TTBK2: variants seen among roughly 807,000 people sequenced by gnomAD.
The protein encoded by TTBK2 is tau-tubulin kinase 2.
Under a neutral mutation model 110.8 loss-of-function variants are expected in TTBK2, and 28 were observed. The observed-to-expected ratio is 0.25, with a 90% CI of 0.19 to 0.35. The LOEUF (loss-of-function observed/expected upper bound fraction) is 0.35. Ranked by LOEUF, TTBK2 falls within the 10% of genes least tolerant of loss-of-function variation. TTBK2 has a pLI of 1.00. For synonymous variants in TTBK2, 532 were observed against 527.3 expected, an observed-to-expected ratio of 1.01 and a Z score of -0.12; for missense variants, 1,369 against 1,500.3, an observed-to-expected ratio of 0.91 and a Z score of 1.45.
intron 3 of TTBK2, among the ~76,000 whole-genome samples, chr15:42,866,871 A>AACAT (rs1894390931): frequency 1.3e-5 from 2 of 152,170 alleles, no homozygotes; most frequent in Admixed American, 6.5e-5. Flanking sequence ...ACTAAATAAA[A>AACAT]ACATAACATC....
At chr15:42,828,679 C>A in intron 5 of TTBK2, among the ~76,000 whole-genome samples, 1 of 149,510 alleles carries the variant, frequency 6.7e-6, no homozygotes, top group Non-Finnish European at 1.5e-5. Flanking sequence ...GTTGAGATTG[C>A]GCCACGGCAC....
intron 4 of TTBK2, among the ~76,000 whole-genome samples, chr15:42,838,208 A>AAAAAT (rs147460434): frequency 0.24 from 35,595 of 151,144 alleles, 5,027 homozygotes; most frequent in African/African-American, 0.39. Context: ...CTCTGTCTCA[A>AAAAAT]AAAATAAAAT....
intron 1 of TTBK2, among the ~76,000 whole-genome samples, chr15:42,890,174 T>G (rs1024152789): frequency 6.6e-6 from 1 of 152,168 alleles, no homozygotes; most frequent in African/African-American, 2.4e-5. Flanking sequence ...ATCCACCCCC[T>G]GCCTGCAAAA....
intron 13 of TTBK2, 85 bp downstream of exon 13, chr15:42,775,050 G>T: frequency 5.6e-6 from 8 of 1,438,720 alleles, no homozygotes; most frequent in Non-Finnish European, 7.7e-6. Context: ...CTGTACTGAA[G>T]TATCTTAGTT....
At chr15:42,813,839 G>A (rs1443835909) in intron 7 of TTBK2, among the ~76,000 whole-genome samples, 2 of 150,878 alleles carry the variant, frequency 1.3e-5, no homozygotes, top group African/African-American at 2.4e-5. Context: ...GAGGGCGAGA[G>A]AGCAGGACTC....
At chr15:42,885,610 G>A (rs879340732) in intron 1 of TTBK2, among the ~76,000 whole-genome samples, 1 of 152,142 alleles carries the variant, frequency 6.6e-6, no homozygotes, top group Non-Finnish European at 1.5e-5. Flanking sequence ...CACCTGCCTT[G>A]GTCCTTCACC....
chr15:42,883,294 T>C (rs1315350426), intron 1 of TTBK2, among the ~76,000 whole-genome samples: 1 of 151,096 alleles, frequency 6.6e-6, no homozygotes, highest in Non-Finnish European at 1.5e-5. Context: ...GGCAGGAGAA[T>C]TGAACCCAGA....
intron 13 of TTBK2, among the ~76,000 whole-genome samples, chr15:42,755,323 G>A (rs1339768533): frequency 6.6e-6 from 1 of 152,106 alleles, no homozygotes; most frequent in Non-Finnish European, 1.5e-5. Flanking sequence ...AATGAATTTG[G>A]ATTAGTCATA....
chr15:42,878,794 T>A (rs998277428), intron 1 of TTBK2, 110 bp from the exon 2 acceptor site: 5 of 1,374,310 alleles, frequency 3.6e-6, no homozygotes, highest in Non-Finnish European at 4.9e-6. Flanking sequence ...AATTAGGCTA[T>A]TTTGTTGGGA....
chr15:42,746,485 A>T (rs1837976328), intron 14 of TTBK2, among the ~76,000 whole-genome samples: 1 of 152,204 alleles, frequency 6.6e-6, no homozygotes, highest in Admixed American at 6.5e-5. Context: ...TGAACAGACC[A>T]AGGGCAGTGA....
chr15:42,893,839 G>A (rs976036744), intron 1 of TTBK2, among the ~76,000 whole-genome samples: 9 of 152,086 alleles, frequency 5.9e-5, no homozygotes, highest in South Asian at 2.1e-4. Context: ...GAAACATAAT[G>A]AACAACATTA....
intron 4 of TTBK2, among the ~76,000 whole-genome samples, chr15:42,830,489 A>G (rs1039897995): frequency 2.6e-5 from 4 of 151,954 alleles, no homozygotes; most frequent in Non-Finnish European, 5.9e-5. Flanking sequence ...CACCCAGCCA[A>G]TAGCAAGAAT....
upstream of TTBK2, among the ~76,000 whole-genome samples, chr15:42,920,987 G>A (rs2031342781): frequency 6.6e-6 from 1 of 152,186 alleles, no homozygotes; most frequent in Non-Finnish European, 1.5e-5. Flanking sequence ...GCCCCCCACC[G>A]GAGAATTGCC....
chr15:42,804,410 C>T (rs570237597), intron 9 of TTBK2, among the ~76,000 whole-genome samples: 2 of 150,358 alleles, frequency 1.3e-5, no homozygotes, highest in Non-Finnish European at 2.9e-5. Context: ...CATTGCACTC[C>T]AGCCTGGGTG....
chr15:42,770,968 T>A (rs1722180740), intron 13 of TTBK2, among the ~76,000 whole-genome samples: 1 of 148,962 alleles, frequency 6.7e-6, no homozygotes, highest in African/African-American at 2.5e-5. Flanking sequence ...ATTTCTTTTT[T>A]TTCTTTCCTT....
chr15:42,802,559 A>T (rs1289124332), intron 9 of TTBK2, among the ~76,000 whole-genome samples: 4 of 152,196 alleles, frequency 2.6e-5, no homozygotes, highest in Non-Finnish European at 5.9e-5. Context: ...CCTCTAACAA[A>T]CTAAACCAGC....
At chr15:42,852,257 C>T (rs1179032010) in intron 3 of TTBK2, among the ~76,000 whole-genome samples, 1 of 151,886 alleles carries the variant, frequency 6.6e-6, no homozygotes, top group East Asian at 1.9e-4. Flanking sequence ...TTAGTAGAGA[C>T]GGGGTTTTAC....
In TTBK2 at chr15:42,739,632, G is replaced by GGGC. The variant is rs2061738431; in HGVS notation, c.*6160_*6162dup. Reference sequence around the variant, plus strand: ...CCAATCCAATGTCAAAGCCCCAAGTGGGCCAGTGTTACCTTTATCTTCCCA... The same window carrying GGGC: ...CCAATCCAATGTCAAAGCCCCAAGTGGGCGGCCAGTGTTACCTTTATCTTCCCA... On this transcript the variant is annotated 3_prime_UTR_variant, in exon 15 of 15. Coordinates refer to ENST00000267890, the MANE Select transcript of TTBK2 (RefSeq NM_173500.4). 1 of 152,260 alleles carries GGGC rather than the reference G, an allele frequency of 6.6e-6. No homozygotes were observed. Among genetic ancestry groups the GGGC allele is most frequent in the South Asian group, 2.1e-4 (1 of 4,832 alleles). 9.4% of individuals were successfully genotyped at this position (152,260 alleles called of 1,614,324 possible).
chr15:42,760,115 G>C (rs2062003328), intron 13 of TTBK2, among the ~76,000 whole-genome samples: 1 of 152,102 alleles, frequency 6.6e-6, no homozygotes, highest in African/African-American at 2.4e-5. Context: ...GCCGGGTGTG[G>C]TGGCTCACGC....
Sources: allele counts gnomAD v4.1 joint callset (sites outside exome capture counted in the v4.1 genomes callset), GRCh38; gene constraint gnomAD v4.1.1; transcripts MANE v1.5; gene names NCBI Gene and HGNC (gene_info 2026-07-23, HGNC 2026-07-21).